PDE4D: variants seen among roughly 807,000 people sequenced by gnomAD.
PDE4D encodes the protein phosphodiesterase 4D.
PDE4D carries 24 observed loss-of-function variants against 87.4 expected under a neutral mutation model. The ratio of observed to expected loss-of-function variants is 0.27; its 90% confidence interval spans 0.20 to 0.39. The LOEUF is 0.39. PDE4D is among the 10% of genes least tolerant of loss of function. PDE4D has a pLI of 1.00. For missense variants in PDE4D, 714 were observed against 1,041.0 expected (o/e 0.69, Z 4.32); for synonymous variants, 384 against 383.2 (o/e 1.00, Z -0.02).
chr5:59,086,713 C>A (rs1408861412), intron 5 of PDE4D, among the ~76,000 whole-genome samples: 1 of 152,154 alleles, frequency 6.6e-6, no homozygotes, highest in Non-Finnish European at 1.5e-5. Context: ...TTATGGACAG[C>A]AGATGCCAGA....
intron 1 of PDE4D, among the ~76,000 whole-genome samples, chr5:59,259,262 T>C (rs189523218): frequency 6.6e-6 from 1 of 151,970 alleles, no homozygotes; most frequent in Admixed American, 6.6e-5. Flanking sequence ...ACAGAAACCC[T>C]ATGGGTAGCT....
At chr5:60,445,637 C>T (rs577683160) in intron 1 of PDE4D, among the ~76,000 whole-genome samples, 2 of 152,034 alleles carry the variant, frequency 1.3e-5, no homozygotes, top group Non-Finnish European at 2.9e-5. Context: ...TGCCCAGGGG[C>T]TGGGGAAGGG....
At chr5:60,395,180 C>A (rs1762806391) in intron 1 of PDE4D, among the ~76,000 whole-genome samples, 1 of 152,180 alleles carries the variant, frequency 6.6e-6, no homozygotes, top group African/African-American at 2.4e-5. Flanking sequence ...CCCCCCTCCA[C>A]CACTGAGTTA....
intron 1 of PDE4D, chr5:60,335,235 T>C (rs937752821): frequency 3.1e-4 from 47 of 152,278 alleles, no homozygotes; most frequent in African/African-American, 1.1e-3. Flanking sequence ...TGAACTGAAC[T>C]CAACCTTGAT....
At chr5:59,431,590 A>T (rs906432563) in intron 1 of PDE4D, among the ~76,000 whole-genome samples, 9 of 152,142 alleles carry the variant, frequency 5.9e-5, no homozygotes, top group African/African-American at 2.2e-4. Flanking sequence ...GTTAAAATCC[A>T]GAAATTTTAA....
chr5:59,713,206 C>T (rs1422437218), intron 1 of PDE4D, among the ~76,000 whole-genome samples: 4 of 152,162 alleles, frequency 2.6e-5, no homozygotes, highest in Non-Finnish European at 5.9e-5. Flanking sequence ...GACAGACATA[C>T]CTCATCTGAC....
rs111699491 is a variant in PDE4D at position 59,360,233 on chromosome 5, C to T, written c.456-144265G>A. On this transcript the variant is annotated intron_variant, in intron 1 of 14. Transcript: ENST00000340635. Reference sequence around the variant, plus strand: ...ATTCAATTACTTGCGCATCAAGTCTCTAGTTAACAGGCATACGGAAGAGAC... The same window carrying T: ...ATTCAATTACTTGCGCATCAAGTCTTTAGTTAACAGGCATACGGAAGAGAC... Among the ~76,000 whole-genome samples, 725 of 152,238 alleles carry T rather than the reference C, an allele frequency of 4.8e-3. 6 individuals are homozygous for T. The highest frequency in any genetic ancestry group is 0.017 in the African/African-American group (705 of 41,538).
At chr5:59,922,131 A>C (rs1282437743) in intron 3 of PDE4D, among the ~76,000 whole-genome samples, 2 of 152,150 alleles carry the variant, frequency 1.3e-5, no homozygotes, top group Non-Finnish European at 2.9e-5. Context: ...GAACTCAGCT[A>C]GCGCCAGTGG....
At chr5:60,302,242 A>T (rs1415800762) in intron 1 of PDE4D, among the ~76,000 whole-genome samples, 1 of 152,178 alleles carries the variant, frequency 6.6e-6, no homozygotes, top group Non-Finnish European at 1.5e-5. Context: ...CAGCAGAAAT[A>T]GTACCAGCTC....
chr5:59,795,334 A>T (rs7716422), intron 1 of PDE4D, among the ~76,000 whole-genome samples: 2,916 of 152,262 alleles, frequency 0.019, 89 homozygotes, highest in African/African-American at 0.067. Context: ...GAACAGGAAG[A>T]ATAAAGAGAT....
chr5:59,862,621 G>A (rs1013309597), intron 1 of PDE4D, among the ~76,000 whole-genome samples: 19 of 152,306 alleles, frequency 1.2e-4, no homozygotes, highest in Admixed American at 6.5e-4. Context: ...CTATCACAGC[G>A]TAGTTTTGAG....
At chr5:59,479,289 T>G (rs936641414) in intron 1 of PDE4D, among the ~76,000 whole-genome samples, 8 of 152,016 alleles carry the variant, frequency 5.3e-5, no homozygotes, top group African/African-American at 1.9e-4. Flanking sequence ...ACCGTCATGG[T>G]TGGGAGGCTC....
At chr5:60,229,449 T>G (rs1745547620) in intron 1 of PDE4D, among the ~76,000 whole-genome samples, 1 of 152,158 alleles carries the variant, frequency 6.6e-6, no homozygotes, top group South Asian at 2.1e-4. Flanking sequence ...ATCACAATGT[T>G]CTTAAAGATT....
intron 1 of PDE4D, among the ~76,000 whole-genome samples, chr5:60,391,514 G>A (rs1415706748): frequency 6.6e-6 from 1 of 152,086 alleles, no homozygotes; most frequent in African/African-American, 2.4e-5. Context: ...GCCTTTTCCA[G>A]CTCTAGAGAT....
chr5:60,424,776 A>G (rs1743522587), intron 1 of PDE4D, among the ~76,000 whole-genome samples: 1 of 152,342 alleles, frequency 6.6e-6, no homozygotes. Context: ...TTGTATATTT[A>G]GAAAACCCCA....
At chr5:59,989,824 A>G (rs1490210123) in intron 2 of PDE4D, among the ~76,000 whole-genome samples, 11 of 152,208 alleles carry the variant, frequency 7.2e-5, no homozygotes, top group Admixed American at 6.5e-4. Context: ...ATGTTATAAC[A>G]TGCTTCTATA....
intron 1 of PDE4D, among the ~76,000 whole-genome samples, chr5:60,453,550 C>A (rs1014116862): frequency 6.6e-6 from 1 of 151,982 alleles, no homozygotes; most frequent in African/African-American, 2.4e-5. Context: ...TTTATATTAG[C>A]CCAAGTAAAT....
intron 1 of PDE4D, among the ~76,000 whole-genome samples, chr5:59,885,443 A>G (rs1328939277): frequency 3.3e-5 from 5 of 152,124 alleles, no homozygotes; most frequent in African/African-American, 1.2e-4. Context: ...ACTTTCAGCC[A>G]CCCCAACGAT....
rs560178971 is a variant in PDE4D, at chr5:60,434,894, T to C, written c.-90+53048A>G. ...CCTGCAAAGAAAATGCTGATGGAGA[T>C]ACAGAAATGAAAAAGGGAGTTAGAG... On this transcript the variant is annotated intron_variant, in intron 1 of 16. Transcript: ENST00000502484. 2.6e-5 allele frequency among the ~76,000 whole-genome samples: 4 copies of C among 152,024 alleles called. No individual in the cohort carries two copies. In the South Asian group the frequency reaches 8.3e-4, roughly 32 times the overall value.
Sources: allele counts gnomAD v4.1 joint callset (sites outside exome capture counted in the v4.1 genomes callset), GRCh38; gene constraint gnomAD v4.1.1; transcripts MANE v1.5; gene names NCBI Gene and HGNC (gene_info 2026-07-23, HGNC 2026-07-21).